The following CSMD1 variants were observed in gnomAD, a reference collection of about 807,000 sequenced individuals.
CSMD1 encodes the protein CUB and sushi domain-containing protein 1.
Under a neutral mutation model 417.5 loss-of-function variants are expected in CSMD1, and 213 were observed. The observed-to-expected ratio is 0.51, with a 90% CI of 0.46 to 0.57. The LOEUF (loss-of-function observed/expected upper bound fraction) is 0.57. Among genes scored for constraint, CSMD1 ranks in the 20% least tolerant of loss-of-function variants. CSMD1 has a pLI of 0.00. For missense variants in CSMD1, 6,923 were observed against 4,529.7 expected, an observed-to-expected ratio of 1.53 and a Z score of -15.17; for synonymous variants, 2,862 against 1,736.8, an observed-to-expected ratio of 1.65 and a Z score of -16.11.
At chr8:4,589,517 G>A (rs1175540678) in intron 2 of CSMD1, among the ~76,000 whole-genome samples, 1 of 152,146 alleles carries the variant, frequency 6.6e-6, no homozygotes, top group East Asian at 1.9e-4. Flanking sequence ...AAACAAATCA[G>A]CACTCATTCC....
chr8:4,943,160 T>C (rs910335176), intron 1 of CSMD1, among the ~76,000 whole-genome samples: 3 of 152,146 alleles, frequency 2.0e-5, no homozygotes, highest in African/African-American at 7.2e-5. Context: ...GTTAGTAAGG[T>C]CTTCATTATG....
intron 37 of CSMD1, among the ~76,000 whole-genome samples, chr8:3,168,942 G>T (rs747453637): frequency 4.6e-5 from 7 of 151,874 alleles, no homozygotes; most frequent in African/African-American, 1.5e-4. Flanking sequence ...TCTCTCAGGG[G>T]CTCACAAATT....
At chr8:3,113,032 A>C (rs1816622825) in intron 42 of CSMD1, 1 of 152,138 alleles carries the variant, frequency 6.6e-6, no homozygotes, top group East Asian at 1.9e-4. Flanking sequence ...GTGGCGTCTC[A>C]CTGAGCTCCG....
At chr8:3,465,233 C>T (rs1816730718) in intron 12 of CSMD1, among the ~76,000 whole-genome samples, 1 of 152,106 alleles carries the variant, frequency 6.6e-6, no homozygotes, top group Non-Finnish European at 1.5e-5. Context: ...GATGCACAGG[C>T]CCTGGTTTTC....
intron 52 of CSMD1, among the ~76,000 whole-genome samples, chr8:3,004,951 C>G (rs751245670): frequency 9.2e-5 from 14 of 152,062 alleles, no homozygotes; most frequent in Non-Finnish European, 1.2e-4. Context: ...CCAGCCTGGC[C>G]AACATGGTGA....
intron 2 of CSMD1, among the ~76,000 whole-genome samples, chr8:4,467,661 C>A (rs1004352355): frequency 6.6e-6 from 1 of 152,188 alleles, no homozygotes. Flanking sequence ...TTCTTGTCCA[C>A]ATGAACCAAA....
At chr8:4,345,857 G>A (rs76907150) in intron 3 of CSMD1, among the ~76,000 whole-genome samples, 3,086 of 152,202 alleles carry the variant, frequency 0.02, 36 homozygotes, top group Middle Eastern at 0.031. Context: ...AGTGTTCTGA[G>A]GTTACATGCA....
At chr8:3,998,470 G>A (rs1323770553) in intron 4 of CSMD1, among the ~76,000 whole-genome samples, 1 of 152,152 alleles carries the variant, frequency 6.6e-6, no homozygotes, top group Non-Finnish European at 1.5e-5. Flanking sequence ...AACATTTTGA[G>A]ACTTAAAAAC....
chr8:4,285,673 G>T (rs1039373070), intron 3 of CSMD1, among the ~76,000 whole-genome samples: 15 of 152,182 alleles, frequency 9.9e-5, no homozygotes, highest in African/African-American at 2.9e-4. Context: ...AATGGCAGTG[G>T]TGTAGGAAGA....
chr8:4,947,241 G>T (rs1044200444), intron 1 of CSMD1, among the ~76,000 whole-genome samples: 13 of 152,112 alleles, frequency 8.5e-5, no homozygotes, highest in African/African-American at 2.9e-4. Context: ...TTCAAACAGT[G>T]AAATTTTTAA....
Position 3,343,961 on chromosome 8 carries a change from G to A in CSMD1, c.3475-511C>T, listed in dbSNP as rs373038717. On this transcript the variant is annotated intron_variant, in intron 22 of 69. Coordinates refer to ENST00000635120, the MANE Select transcript of CSMD1 (RefSeq NM_033225.6). ...CACATTCTGTAGTCTGCAAGCCTCC[G>A]GTGGCTTTCATCTTGAATTTGAAAT... is the stretch of plus-strand genomic sequence containing the variant. Among the ~76,000 whole-genome samples the A allele has an allele frequency of 2.6e-5, 4 of 152,252 alleles. No individual in the cohort carries two copies. In the South Asian group the frequency reaches 8.3e-4, roughly 32 times the overall value.
chr8:3,746,392 C>G (rs1410269345), intron 6 of CSMD1, among the ~76,000 whole-genome samples: 3 of 152,112 alleles, frequency 2.0e-5, no homozygotes, highest in Admixed American at 2.0e-4. Flanking sequence ...ATTGTTGGCC[C>G]CCAATTATCC....
At chr8:3,265,015 A>G (rs1801331768) in intron 26 of CSMD1, among the ~76,000 whole-genome samples, 1 of 152,208 alleles carries the variant, frequency 6.6e-6, no homozygotes, top group Non-Finnish European at 1.5e-5. Context: ...CACCTCTGTG[A>G]GAATTTAAAT....
At position 4,361,730 on chromosome 8, in the gene CSMD1, C is replaced by T. The variant is rs539609581; in HGVS notation, c.415+58223G>A. On this transcript the variant is annotated intron_variant, in intron 3 of 69. Coordinates refer to ENST00000635120, the MANE Select transcript of CSMD1 (RefSeq NM_033225.6). Reference sequence around the variant, plus strand: ...CAACACTTTGGGAGGCCGAAGTGGGCGGATCACGAGGTCAGGAGATCGAGA... The same window carrying T: ...CAACACTTTGGGAGGCCGAAGTGGGTGGATCACGAGGTCAGGAGATCGAGA... Among the ~76,000 whole-genome samples, 4 of 151,682 alleles carry T rather than the reference C, an allele frequency of 2.6e-5. No homozygotes were observed. The East Asian group carries it at 5.8e-4, about 22-fold the overall frequency.
At chr8:3,304,416 T>C (rs1456352427) in intron 25 of CSMD1, among the ~76,000 whole-genome samples, 1 of 152,190 alleles carries the variant, frequency 6.6e-6, no homozygotes, top group Non-Finnish European at 1.5e-5. Context: ...GTATATTATG[T>C]ACTTCTAATT....
chr8:3,687,556 T>A (rs1800001819), intron 7 of CSMD1, among the ~76,000 whole-genome samples: 1 of 152,222 alleles, frequency 6.6e-6, no homozygotes, highest in African/African-American at 2.4e-5. Flanking sequence ...GTGTAAATGC[T>A]ATATTTTTCT....
intron 5 of CSMD1, among the ~76,000 whole-genome samples, chr8:3,861,545 A>G (rs1267192395): frequency 2.0e-5 from 3 of 151,948 alleles, no homozygotes; most frequent in Non-Finnish European, 4.4e-5. Flanking sequence ...CTGGGATTTA[A>G]CTCCACGTGA....
intron 10 of CSMD1, among the ~76,000 whole-genome samples, chr8:3,512,602 T>A (rs1797123036): frequency 1.2e-5 from 1 of 82,216 alleles, no homozygotes; most frequent in Non-Finnish European, 2.0e-5. Context: ...ATTTTTTTCT[T>A]TTTTTTTTTT....
At chr8:4,667,024 G>T (rs1265332205) in intron 1 of CSMD1, among the ~76,000 whole-genome samples, 1 of 152,002 alleles carries the variant, frequency 6.6e-6, no homozygotes, top group African/African-American at 2.4e-5. Context: ...GTTAACTTTT[G>T]TGTATAATGT....
Sources: gnomAD v4.1 joint callset for allele counts (sites outside exome capture counted in the v4.1 genomes callset) on GRCh38, gnomAD v4.1.1 for gene constraint, MANE v1.5 for transcripts, NCBI Gene and HGNC (gene_info 2026-07-23, HGNC 2026-07-21) for gene names.